TNRC6B: variants seen among roughly 807,000 people sequenced by gnomAD.
The protein encoded by TNRC6B is trinucleotide repeat containing adaptor 6B.
A neutral mutation model predicts 203.6 loss-of-function variants in TNRC6B; 52 were observed. The ratio of observed to expected loss-of-function variants is 0.26; its 90% CI spans 0.20 to 0.32. The LOEUF (loss-of-function observed/expected upper bound fraction) is 0.32. TNRC6B is among the 10% of genes least tolerant of loss of function. TNRC6B has a pLI of 1.00. For synonymous variants in TNRC6B, 838 were observed against 845.7 expected (o/e 0.99, Z 0.16); for missense variants, 1,923 against 2,286.2 (o/e 0.84, Z 3.24).
chr22:40,277,021 C>A (rs2070653539), intron 7 of TNRC6B, 56 bp from the exon 8 acceptor site: 3 of 1,409,248 alleles, frequency 2.1e-6, no homozygotes, highest in South Asian at 2.9e-5. Context: ...ATTAATAAAA[C>A]TCAGGAGGCT....
chr22:40,208,879 G>A (rs773492583), intron 1 of TNRC6B, among the ~76,000 whole-genome samples: 2 of 152,106 alleles, frequency 1.3e-5, no homozygotes, highest in African/African-American at 2.4e-5. Context: ...CCTGAAACAC[G>A]GAAAGGAAAG....
At chr22:40,317,483 C>T (rs1240694945) in intron 21 of TNRC6B, among the ~76,000 whole-genome samples, 1 of 152,246 alleles carries the variant, frequency 6.6e-6, no homozygotes, top group African/African-American at 2.4e-5. Flanking sequence ...GAGGCTGAGG[C>T]AGGAGAATCA....
intron 6 of TNRC6B, 72 bp downstream of exon 6, chr22:40,270,352 C>G (rs2070544341): frequency 7.7e-7 from 1 of 1,305,028 alleles, no homozygotes; most frequent in Admixed American, 4.0e-5. Flanking sequence ...GAGTTTCACT[C>G]TTGTCCACCC....
At chr22:40,191,121 A>G (rs2069266001) in intron 1 of TNRC6B, among the ~76,000 whole-genome samples, 1 of 152,138 alleles carries the variant, frequency 6.6e-6, no homozygotes, top group African/African-American at 2.4e-5. Context: ...CTGGGTCTTA[A>G]TGGGCAGATG....
At chr22:40,100,687 C>T (rs1243608756) in intron 1 of TNRC6B, among the ~76,000 whole-genome samples, 26 of 152,334 alleles carry the variant, frequency 1.7e-4, no homozygotes, top group Admixed American at 1.7e-3. Flanking sequence ...TGCCCAGTCT[C>T]TATACCATTT....
intron 1 of TNRC6B, among the ~76,000 whole-genome samples, chr22:40,221,842 T>G (rs930851354): frequency 6.7e-6 from 1 of 149,452 alleles, no homozygotes; most frequent in Non-Finnish European, 1.5e-5. Flanking sequence ...CAAATACCTG[T>G]CCTTACCCAG....
At chr22:40,218,314 T>TTTTTC (rs1235181565) in intron 1 of TNRC6B, among the ~76,000 whole-genome samples, 6 of 139,768 alleles carry the variant, frequency 4.3e-5, no homozygotes, top group Admixed American at 1.7e-4. Context: ...TTTTTTTTCT[T>TTTTTC]TTTTCTTTTC....
chr22:40,329,748 G>A lies in TNRC6B; in HGVS notation c.*6507G>A, dbSNP rs186990745. ...ATTGTGGCATACCCCTAATATTTGA[G>A]TAGTTTTTAAGCTGTCAGTCTCTTG... On this transcript the variant is annotated 3_prime_UTR_variant, in exon 23 of 23. Coordinates refer to ENST00000454349, the MANE Select transcript of TNRC6B (RefSeq NM_001162501.2). 6.6e-6 allele frequency: 1 copy of A among 152,126 alleles called. No individual in the cohort carries two copies. The highest frequency in any genetic ancestry group is 6.6e-5 in the Admixed American group (1 of 15,258). The allele number at this position is 152,126 out of a possible 1,614,324, so 9.4% of individuals were successfully genotyped here.
Position 40,323,244 on chromosome 22 carries a change from T to C in TNRC6B, c.*3T>C. ...GAGGAGGGTCGGATTCAATCTGAAC[T>C]TAGAACTTTCAACTCTGACCTCGTG... On this transcript the variant is annotated 3_prime_UTR_variant, in exon 23 of 23. Transcript: ENST00000454349. 1 of 1,608,238 alleles carries C rather than the reference T, an allele frequency of 6.2e-7. No individual in the cohort carries two copies. The highest frequency in any genetic ancestry group is 8.5e-7 in the Non-Finnish European group (1 of 1,179,110).
At chr22:40,163,051 G>T (rs924527616) in intron 4 of TNRC6B, among the ~76,000 whole-genome samples, 2 of 152,118 alleles carry the variant, frequency 1.3e-5, no homozygotes, top group African/African-American at 2.4e-5. Flanking sequence ...TCTCAGAATC[G>T]TAATAAATTC....
At chr22:40,102,905 C>T (rs1390470892) in intron 1 of TNRC6B, among the ~76,000 whole-genome samples, 1 of 151,980 alleles carries the variant, frequency 6.6e-6, no homozygotes, top group Non-Finnish European at 1.5e-5. Context: ...GGTGAAACCC[C>T]GTCTCTACTA....
intron 3 of TNRC6B, among the ~76,000 whole-genome samples, chr22:40,261,450 C>T (rs1018012789): frequency 6.6e-6 from 1 of 151,744 alleles, no homozygotes; most frequent in African/African-American, 2.4e-5. Context: ...TGGTGGTGGG[C>T]GCCTGTAATC....
At chr22:40,212,769 C>G (rs2069582502) in intron 1 of TNRC6B, among the ~76,000 whole-genome samples, 1 of 152,146 alleles carries the variant, frequency 6.6e-6, no homozygotes, top group African/African-American at 2.4e-5. Flanking sequence ...GTGCCTCAGC[C>G]TTCCGAGTAC....
intron 21 of TNRC6B, among the ~76,000 whole-genome samples, chr22:40,318,861 A>G (rs1388947988): frequency 2.0e-5 from 3 of 152,164 alleles, no homozygotes; most frequent in Non-Finnish European, 4.4e-5. Flanking sequence ...ACCTGAGGTC[A>G]GGAGTTCCAG....
Position 40,270,204 on chromosome 22 carries a change from C to T in TNRC6B, c.2889C>T (p.Gly963=), listed in dbSNP as rs762766192. 15 of 1,559,684 alleles carry T rather than the reference C, an allele frequency of 9.6e-6. No individual in the cohort carries two copies. The highest frequency in any genetic ancestry group is 1.2e-5 in the Non-Finnish European group (14 of 1,151,658). ...CAAATGAAAGCAGTCCTGGGTGGGG[C>T]GAGATGGATGATACAGGAGCATCGA... is the stretch of plus-strand genomic sequence containing the variant. ...GEPNESSPGW[G]EMDDTGASTT... is the part of the protein sequence containing the mutation. Residue 963 remains glycine, a synonymous_variant, in exon 6 of 23, where the codon GGC becomes GGT. Transcript: ENST00000454349.
rs990129762 is a variant in TNRC6B at position 40,200,703 on chromosome 22, T to C, written c.5+22563T>C. Reference sequence around the variant, plus strand: ...CATTTTATTTATGTATGTATGAATGTATATGTAATATATGTTGTAGGTCAT... The same window carrying C: ...CATTTTATTTATGTATGTATGAATGCATATGTAATATATGTTGTAGGTCAT... On this transcript the variant is annotated intron_variant, in intron 1 of 22. Transcript: ENST00000454349. Among the ~76,000 whole-genome samples the C allele has an allele frequency of 1.6e-4, 24 of 152,164 alleles. 1 individual carries two copies. The highest frequency in any genetic ancestry group is 1.6e-4 in the Non-Finnish European group (11 of 68,026).
intron 1 of TNRC6B, among the ~76,000 whole-genome samples, chr22:40,216,720 C>G (rs2069640291): frequency 6.6e-6 from 1 of 152,174 alleles, no homozygotes; most frequent in African/African-American, 2.4e-5. Context: ...AGTAAAAATA[C>G]TGACAAGGAG....
intron 3 of TNRC6B, among the ~76,000 whole-genome samples, chr22:40,138,508 C>G (rs950062108): frequency 6.6e-6 from 1 of 152,172 alleles, no homozygotes; most frequent in African/African-American, 2.4e-5. Context: ...TCAGGTGATC[C>G]GCCTGCCTTA....
In TNRC6B at chr22:40,251,435, A is replaced by G. The variant is rs145432081; in HGVS notation, c.115+235A>G. On this transcript the variant is annotated intron_variant, in intron 3 of 22. Transcript: ENST00000454349. ...GAGTAAATACCTTGTTTTAAAAAGT[A>G]TATGGGTCATGGCTGGGCACGGTGG... Among the ~76,000 whole-genome samples, 548 of 152,330 alleles carry G rather than the reference A, an allele frequency of 3.6e-3. 4 individuals are homozygous for G. Among genetic ancestry groups the G allele is most frequent in the African/African-American group, 0.012 (502 of 41,576 alleles).
Sources: allele counts gnomAD v4.1 joint callset (sites outside exome capture counted in the v4.1 genomes callset), GRCh38; gene constraint gnomAD v4.1.1; transcripts MANE v1.5; gene names NCBI Gene and HGNC (gene_info 2026-07-23, HGNC 2026-07-21).